SURF1: variants seen among roughly 807,000 people sequenced by gnomAD.
SURF1 encodes SURF1 cytochrome c oxidase assembly factor.
Under a neutral mutation model 34.1 loss-of-function variants are expected in SURF1, and 45 were observed. That is an observed-to-expected ratio of 1.32 (90% CI 1.04 to 1.69). The LOEUF (loss-of-function observed/expected upper bound fraction) is 1.69, where lower values mean the gene tolerates loss of function less well. SURF1 is among the 40% of genes most tolerant of loss of function. The pLI is 0.00. For missense variants in SURF1, 456 were observed against 384.6 expected (o/e 1.19, Z -1.55); for synonymous variants, 188 against 147.5 (o/e 1.27, Z -1.99).
intron 1 of SURF1, 34 bp downstream of exon 1, chr9:133,356,366 G>GCCCCGCAGCCCGCA: frequency 7.4e-7 from 1 of 1,343,382 alleles, no homozygotes; most frequent in Non-Finnish European, 9.6e-7. Context: ...CCCTCCCCGC[G>GCCCCGCAGCCCGCA]CCCCGCACCC....
chr9:133,353,061 G>A (rs1007225360), intron 5 of SURF1, among the ~76,000 whole-genome samples: 1 of 152,132 alleles, frequency 6.6e-6, no homozygotes, highest in African/African-American at 2.4e-5. Context: ...GGTGAGCAAC[G>A]CTGCCACGCC....
At chr9:133,352,872 C>T in intron 5 of SURF1, 106 bp from the exon 6 acceptor site, 1 of 1,281,098 alleles carries the variant, frequency 7.8e-7, no homozygotes, top group Non-Finnish European at 1.1e-6. Context: ...CCAAGGAAGG[C>T]TTTTAAAACA....
chr9:133,354,790 C>A (rs2130018659), intron 3 of SURF1, 34 bp downstream of exon 3: 2 of 1,613,762 alleles, frequency 1.2e-6, no homozygotes, highest in African/African-American at 2.7e-5. Context: ...AGGTCAAGGG[C>A]CCAGAGTTAC....
intron 4 of SURF1, 183 bp from the exon 5 acceptor site, chr9:133,354,123 T>A (rs891343232): frequency 1.4e-6 from 1 of 701,082 alleles, no homozygotes; most frequent in Admixed American, 2.2e-5. Context: ...AGTCCAACTT[T>A]ACAAGAGAGG....
In SURF1 at chr9:133,353,702, CCT is replaced by C. The variant is rs2130013909; in HGVS notation, c.515+45_515+46del. The C allele has an allele frequency of 5.7e-5, 91 of 1,606,968 alleles. No homozygotes were observed. In the Admixed American group the frequency reaches 8.8e-4, roughly 16 times the overall value. On this transcript the variant is annotated intron_variant, in intron 5 of 8. Transcript: ENST00000371974. ...GAAATAGTGATGTAAATTAGTATACCCTGACTGCCTCTGCCAGGACAGCCAGC... is the reference window on the plus strand; with the variant it reads ...GAAATAGTGATGTAAATTAGTATACCGACTGCCTCTGCCAGGACAGCCAGC...
rs2130018849 is a variant in SURF1, at chr9:133,354,812, G to A, written c.240+12C>T. The A allele has an allele frequency of 6.2e-7, 1 of 1,613,764 alleles. No individual in the cohort carries two copies. The highest frequency in any genetic ancestry group is 1.7e-5 in the Admixed American group (1 of 60,016). On this transcript the variant is annotated intron_variant, in intron 3 of 8. Transcript: ENST00000371974. ...GGGCCCAGAGTTACGCACACCAGAT[G>A]CCGGTCTTTACCTGCCATGTCCCCA...
intron 7 of SURF1, 59 bp from the exon 8 acceptor site, chr9:133,352,201 T>TC: frequency 6.6e-7 from 1 of 1,511,464 alleles, no homozygotes; most frequent in Non-Finnish European, 9.0e-7. Flanking sequence ...CTGCACCACT[T>TC]CCTAGTGGCT....
Position 133,356,440 on chromosome 9 carries a change from G to GCCA in SURF1, c.11_13dup (p.Val4dup). ...CGCCCGCAGCCCCAGCTGCAACGCA[G>GCCA]CCACCGCCGCCATCGCACCCGGCCC... On this transcript the variant is annotated inframe_insertion, in exon 1 of 9. Transcript: ENST00000371974. The GCCA allele has an allele frequency of 1.4e-6, 2 of 1,414,502 alleles. No individual in the cohort carries two copies. The highest frequency in any genetic ancestry group is 1.8e-6 in the Non-Finnish European group (2 of 1,085,760). 87.6% of individuals were successfully genotyped at this position (1,414,502 alleles called of 1,614,324 possible).
chr9:133,356,445 C>G lies in SURF1; in HGVS notation c.9G>C (p.Ala3=). The change falls in exon 1 of 9, where the codon GCG becomes GCC. Residue 3 remains alanine (A), a synonymous_variant. Coordinates refer to ENST00000371974, the MANE Select transcript of SURF1 (RefSeq NM_003172.4). MA[A]VAALQLGLRA... ...GCAGCCCCAGCTGCAACGCAGCCACCGCCGCCATCGCACCCGGCCCCGCGG... is the reference window on the plus strand; with the variant it reads ...GCAGCCCCAGCTGCAACGCAGCCACGGCCGCCATCGCACCCGGCCCCGCGG... 1 of 1,418,690 alleles carries G rather than the reference C, an allele frequency of 7.0e-7. No homozygotes were observed. Among genetic ancestry groups the G allele is most frequent in the South Asian group, 1.5e-5 (1 of 68,948 alleles). 87.9% of individuals were successfully genotyped at this position (1,418,690 alleles called of 1,614,324 possible).
chr9:133,354,782 GT>G, intron 3 of SURF1, 41 bp from the exon 4 acceptor site: 1 of 1,613,736 alleles, frequency 6.2e-7, no homozygotes, highest in Non-Finnish European at 8.5e-7. Flanking sequence ...TGGCAGCAAG[GT>G]CAAGGGCCCA....
intron 2 of SURF1, 150 bp downstream of exon 2, chr9:133,356,118 AT>A: frequency 9.4e-7 from 1 of 1,062,346 alleles, no homozygotes; most frequent in Non-Finnish European, 1.4e-6. Flanking sequence ...CACTGAAAGC[AT>A]TTTAATACGG....
In SURF1 at chr9:133,354,652, C is replaced by G; in HGVS notation, c.323+7G>C. 6.2e-7 allele frequency: 1 copy of G among 1,612,502 alleles called. No individual in the cohort carries two copies. Among genetic ancestry groups the G allele is most frequent in the Non-Finnish European group, 8.5e-7 (1 of 1,180,024 alleles). On this transcript the variant is annotated splice_region_variant and intron_variant, in intron 4 of 8. Transcript: ENST00000371974. ...AACAGGCCCTAGGGGGGCAGCCATG[C>G]ACTCACTCGGCTGGCAGAGGGACAG...
In SURF1 at chr9:133,353,737, T is replaced by G; in HGVS notation, c.515+12A>C. 1.9e-6 allele frequency: 3 copies of G among 1,613,660 alleles called. No homozygotes were observed. Among genetic ancestry groups the G allele is most frequent in the Non-Finnish European group, 2.5e-6 (3 of 1,179,982 alleles). On this transcript the variant is annotated intron_variant, in intron 5 of 8. Coordinates refer to ENST00000371974, the MANE Select transcript of SURF1 (RefSeq NM_003172.4). ...TCTGCCAGGACAGCCAGCTCCCACA[T>G]GTCCTACTCACCCCAGGTCGGTGCA...
chr9:133,352,421 C>CGA, intron 7 of SURF1, 25 bp downstream of exon 7: 1 of 1,614,156 alleles, frequency 6.2e-7, no homozygotes, highest in Non-Finnish European at 8.5e-7. Flanking sequence ...CTACTTGTTC[C>CGA]GAGATGGGCT....
intron 7 of SURF1, 90 bp downstream of exon 7, chr9:133,352,355 AG>A (rs1836444272): frequency 1.3e-6 from 2 of 1,593,912 alleles, no homozygotes; most frequent in Admixed American, 3.3e-5. Flanking sequence ...TGAGAACATA[AG>A]CCACAGTAGT....
At chr9:133,352,221 G>A (rs1259782393) in intron 7 of SURF1, 79 bp from the exon 8 acceptor site, 4 of 1,467,702 alleles carry the variant, frequency 2.7e-6, no homozygotes, top group Non-Finnish European at 2.8e-6. Flanking sequence ...TGTCATTTTT[G>A]CGTGGCCAGT....
At chr9:133,352,823 C>T (rs1431605868) in intron 5 of SURF1, 57 bp from the exon 6 acceptor site, 10 of 1,533,668 alleles carry the variant, frequency 6.5e-6, no homozygotes, top group South Asian at 2.4e-5. Flanking sequence ...AAGACAGTCA[C>T]TCATGGTCAC....
intron 7 of SURF1, 145 bp downstream of exon 7, chr9:133,352,301 T>C: frequency 6.9e-7 from 1 of 1,445,308 alleles, no homozygotes; most frequent in Non-Finnish European, 9.6e-7. Flanking sequence ...TTGCCTAGGT[T>C]CTTTGCTGAG....
chr9:133,353,304 A>G lies in SURF1; in HGVS notation c.515+445T>C, dbSNP rs1055312464. Among the ~76,000 whole-genome samples the G allele has an allele frequency of 5.9e-5, 9 of 152,292 alleles. No homozygotes were observed. The South Asian group carries it at 1.7e-3, about 28-fold the overall frequency. On this transcript the variant is annotated intron_variant, in intron 5 of 8. Transcript: ENST00000371974. ...TAGTTAATCACACAGGTGCTCCTGTACCTGTCATTTGCTTTGCCTGGAATG... is the reference window on the plus strand; with the variant it reads ...TAGTTAATCACACAGGTGCTCCTGTGCCTGTCATTTGCTTTGCCTGGAATG...
Sources: allele counts gnomAD v4.1 joint callset (sites outside exome capture counted in the v4.1 genomes callset), GRCh38; gene constraint gnomAD v4.1.1; transcripts MANE v1.5; gene names NCBI Gene and HGNC (gene_info 2026-07-23, HGNC 2026-07-21).